The following PNN variants were observed in gnomAD, a reference collection of about 807,000 sequenced individuals.
The protein encoded by PNN is pinin, desmosome associated protein, also known as pinin.
Under a neutral mutation model 76.6 loss-of-function variants are expected in PNN, and 38 were observed. The observed-to-expected ratio is 0.50, with a 90% CI of 0.38 to 0.65. The LOEUF (loss-of-function observed/expected upper bound fraction) is 0.65, where lower values mean the gene tolerates loss of function less well. PNN is among the 30% of genes least tolerant of loss of function. PNN has a pLI of 0.00. For missense variants in PNN, 873 were observed against 874.1 expected (o/e 1.00, Z 0.02); for synonymous variants, 366 against 283.7 (o/e 1.29, Z -2.91).
At chr14:39,176,324 G>A in intron 2 of PNN, 175 bp downstream of exon 2, 1 of 630,622 alleles carries the variant, frequency 1.6e-6, no homozygotes, top group East Asian at 2.8e-5. Context: ...AAAACTGGAG[G>A]TTGAAGAATA....
chr14:39,175,488 G>C (rs2053212869), intron 1 of PNN, 96 bp downstream of exon 1: 2 of 770,308 alleles, frequency 2.6e-6, no homozygotes, highest in South Asian at 2.9e-5. Context: ...GCCTTAAGAA[G>C]ACTGGAACCT....
In PNN at chr14:39,181,231, G is replaced by C. The variant is rs1406279803; in HGVS notation, c.1522G>C (p.Ala508Pro). Residue 508 changes from alanine (A) to proline (P), a missense_variant, in exon 9 of 9, where the codon GCT becomes CCT. Coordinates refer to ENST00000216832, the MANE Select transcript of PNN (RefSeq NM_002687.4). ...PPSQPEDLSL[A>P]VLQPTPQVTQ... ...CTCTCAGCCTGAGGATTTGTCATTA[G>C]CTGTTTTACAGCCAACACCCCAAGT... 2 of 1,614,024 alleles carry C rather than the reference G, an allele frequency of 1.2e-6. No homozygotes were observed. The highest frequency in any genetic ancestry group is 1.6e-4 in the Middle Eastern group (1 of 6,062).
At position 39,182,200 on chromosome 14, in the gene PNN, A is replaced by T. The variant is rs1443646668; in HGVS notation, c.*337A>T. Reference sequence around the variant, plus strand: ...AAATCTTTAAGTCTGTTCCCTTCTAATTCTGTATCATACATTGCTTTTGTA... The same window carrying T: ...AAATCTTTAAGTCTGTTCCCTTCTATTTCTGTATCATACATTGCTTTTGTA... On this transcript the variant is annotated 3_prime_UTR_variant, in exon 9 of 9. Transcript: ENST00000216832. The T allele has an allele frequency of 1.1e-5, 2 of 180,564 alleles. No individual in the cohort carries two copies. Among genetic ancestry groups the T allele is most frequent in the Non-Finnish European group, 2.4e-5 (2 of 85,034 alleles). The allele number at this position is 180,564 out of a possible 1,614,324, so 11.2% of individuals were successfully genotyped here.
chr14:39,175,961 C>G, intron 1 of PNN, 117 bp from the exon 2 acceptor site: 1 of 641,836 alleles, frequency 1.6e-6, no homozygotes, highest in Non-Finnish European at 2.8e-6. Flanking sequence ...TTATTTGAAA[C>G]TATCTTTTTG....
In PNN at chr14:39,182,097, A is replaced by T. The variant is rs1342565995; in HGVS notation, c.*234A>T. On this transcript the variant is annotated 3_prime_UTR_variant, in exon 9 of 9. Transcript: ENST00000216832. ...CAAAATATGTAAAAATGATAATAATAAAAAAAGATTAACATCCCTTGTCAT... is the reference window on the plus strand; with the variant it reads ...CAAAATATGTAAAAATGATAATAATTAAAAAAGATTAACATCCCTTGTCAT... 1 of 407,132 alleles carries T rather than the reference A, an allele frequency of 2.5e-6. No individual in the cohort carries two copies. The highest frequency in any genetic ancestry group is 4.3e-6 in the Non-Finnish European group (1 of 229,954). 25.2% of individuals were successfully genotyped at this position (407,132 alleles called of 1,614,324 possible).
At chr14:39,175,443 A>T in intron 1 of PNN, 51 bp downstream of exon 1, 1 of 1,143,064 alleles carries the variant, frequency 8.7e-7, no homozygotes. Context: ...GGCAGCCCTC[A>T]GGTCGGGGTG....
chr14:39,179,976 T>G (rs1207447833), intron 8 of PNN, among the ~76,000 whole-genome samples: 5 of 152,324 alleles, frequency 3.3e-5, no homozygotes, highest in African/African-American at 1.2e-4. Context: ...ATGATGGAGT[T>G]TAATGTGAAA....
rs927203371 is a variant in PNN, at chr14:39,182,096, TAAA to T, written c.*238_*240del. The stretch of plus-strand genomic sequence containing the variant: ...CCAAAATATGTAAAAATGATAATAA[TAAA>T]AAAAGATTAACATCCCTTGTCATCT... On this transcript the variant is annotated 3_prime_UTR_variant, in exon 9 of 9. Coordinates refer to ENST00000216832, the MANE Select transcript of PNN (RefSeq NM_002687.4). 9.9e-6 allele frequency: 4 copies of T among 404,046 alleles called. No homozygotes were observed. The highest frequency in any genetic ancestry group is 1.3e-5 in the Non-Finnish European group (3 of 228,116). The allele number at this position is 404,046 out of a possible 1,614,324, so 25.0% of individuals were successfully genotyped here.
In PNN at chr14:39,179,034, C is replaced by A. The variant is rs1374178057; in HGVS notation, c.499-57C>A. ...CATAATTGAACTGAAATCATATATA[C>A]CTTTTGTTGTAACTATTTCAACACG... On this transcript the variant is annotated intron_variant, in intron 6 of 8. Coordinates refer to ENST00000216832, the MANE Select transcript of PNN (RefSeq NM_002687.4). 6.7e-6 allele frequency: 10 copies of A among 1,482,696 alleles called. No individual in the cohort carries two copies. The Admixed American group carries it at 2.0e-4, about 30-fold the overall frequency. The allele number at this position is 1,482,696 out of a possible 1,614,324, so 91.8% of individuals were successfully genotyped here.
chr14:39,176,199 TAA>T (rs1000079015), intron 2 of PNN, 50 bp downstream of exon 2: 2 of 1,040,574 alleles, frequency 1.9e-6, no homozygotes, highest in Non-Finnish European at 3.0e-6. Context: ...GGTACTTTAC[TAA>T]ATATGTTGGT....
rs536102628 is a variant in PNN, at chr14:39,176,164, G to A, written c.185+15G>A. On this transcript the variant is annotated intron_variant, in intron 2 of 8. Transcript: ENST00000216832. ...TTATTACTGAGGTAAGATTTCCTTT[G>A]GACTTTACTCATGCTGAAACTACTG... 7.5e-6 allele frequency: 11 copies of A among 1,469,582 alleles called. No individual in the cohort carries two copies. The African/African-American group carries it at 9.7e-5, about 13-fold the overall frequency. 91.0% of individuals were successfully genotyped at this position (1,469,582 alleles called of 1,614,324 possible). A position where few individuals can be genotyped will look rare whatever the true frequency, so the allele number is the denominator to read the frequency against.
chr14:39,182,139 A>G lies in PNN; in HGVS notation c.*276A>G, dbSNP rs1263143879. 3.9e-5 allele frequency: 11 copies of G among 283,922 alleles called. No individual in the cohort carries two copies. In the East Asian group the frequency reaches 6.8e-4, roughly 18 times the overall value. 17.6% of individuals were successfully genotyped at this position (283,922 alleles called of 1,614,324 possible). Reference sequence around the variant, plus strand: ...CCTTGTCATCTTTTTTAAATATCCTATACTCTTCAGTAAGAATCTGTATAT... The same window carrying G: ...CCTTGTCATCTTTTTTAAATATCCTGTACTCTTCAGTAAGAATCTGTATAT... On this transcript the variant is annotated 3_prime_UTR_variant, in exon 9 of 9. Coordinates refer to ENST00000216832, the MANE Select transcript of PNN (RefSeq NM_002687.4).
chr14:39,180,399 C>G (rs2139403536), intron 8 of PNN, 104 bp from the exon 9 acceptor site: 1 of 1,261,548 alleles, frequency 7.9e-7, no homozygotes, highest in Middle Eastern at 2.8e-4. Flanking sequence ...TTTACAAAAA[C>G]AAATTCAGAT....
rs1012580068 is a variant in PNN, at chr14:39,175,255, G to C, written c.-25G>C. On this transcript the variant is annotated 5_prime_UTR_variant, in exon 1 of 9. Transcript: ENST00000216832. ...ATAGCCCGGCTCGGCCTGTAAAGCA[G>C]TCTCAAGCCTGCCGCAGGGAGAAGA... The C allele has an allele frequency of 6.8e-7, 1 of 1,467,108 alleles. No homozygotes were observed. Among genetic ancestry groups the C allele is most frequent in the South Asian group, 1.2e-5 (1 of 86,546 alleles). 90.9% of individuals were successfully genotyped at this position (1,467,108 alleles called of 1,614,324 possible).
At chr14:39,179,586 T>A (rs1480919802) in intron 8 of PNN, 124 bp downstream of exon 8, 1 of 878,404 alleles carries the variant, frequency 1.1e-6, no homozygotes, top group Non-Finnish European at 1.7e-6. Flanking sequence ...GCTTTTTTTT[T>A]TTAAATAAGA....
At position 39,177,827 on chromosome 14, in the gene PNN, A is replaced by G; in HGVS notation, c.423-14A>G. The G allele has an allele frequency of 6.3e-7, 1 of 1,598,634 alleles. No individual in the cohort carries two copies. Among genetic ancestry groups the G allele is most frequent in the Non-Finnish European group, 8.6e-7 (1 of 1,166,400 alleles). On this transcript the variant is annotated splice_polypyrimidine_tract_variant and intron_variant, in intron 5 of 8. Coordinates refer to ENST00000216832, the MANE Select transcript of PNN (RefSeq NM_002687.4). ...GATCCTGTTGACAGTAAATTTTCTT[A>G]TTCTGTTCTTTAGGAACCGGCGAAT...
rs980973369 is a variant in PNN at position 39,181,001 on chromosome 14, T to C, written c.1292T>C (p.Phe431Ser). 1 of 1,613,106 alleles carries C rather than the reference T, an allele frequency of 6.2e-7. No homozygotes were observed. Among genetic ancestry groups the C allele is most frequent in the Non-Finnish European group, 8.5e-7 (1 of 1,179,566 alleles). ...ASKELEPEME[F>S]EIEPDKECKT... ...AAAGAATTGGAACCAGAAATGGAAT[T>C]TGAAATTGAGCCAGATAAAGAATGT... The change falls in exon 9 of 9, where the codon TTT becomes TCT. Residue 431 changes from phenylalanine to serine, a missense_variant. This residue lies in a region of PNN where 712 missense variants were observed against 693.1 expected (regional missense o/e 1.03). Transcript: ENST00000216832.
At chr14:39,177,508 A>G (rs768731127) in intron 4 of PNN, 24 bp downstream of exon 4, 1 of 1,602,492 alleles carries the variant, frequency 6.2e-7, no homozygotes, top group Non-Finnish European at 8.6e-7. Context: ...AAGAACTTAA[A>G]TGAATGTAGT....
Position 39,181,214 on chromosome 14 carries a change from C to T in PNN, c.1505C>T (p.Pro502Leu). 6.2e-7 allele frequency: 1 copy of T among 1,613,846 alleles called. No homozygotes were observed. Among genetic ancestry groups the T allele is most frequent in the Non-Finnish European group, 8.5e-7 (1 of 1,179,744 alleles). Residue 502 changes from proline to leucine, a missense_variant, in exon 9 of 9, where the codon CCT becomes CTT. Coordinates refer to ENST00000216832, the MANE Select transcript of PNN (RefSeq NM_002687.4). ...PVLQSQPPSQ[P>L]EDLSLAVLQP... ...CTCCAGTCCCAGCCTCCCTCTCAGC[C>T]TGAGGATTTGTCATTAGCTGTTTTA... is the stretch of plus-strand genomic sequence containing the variant.
Sources: allele counts gnomAD v4.1 joint callset (sites outside exome capture counted in the v4.1 genomes callset), GRCh38; gene constraint gnomAD v4.1.1; regional missense constraint gnomAD v4.1.1; transcripts MANE v1.5; gene names NCBI Gene and HGNC (gene_info 2026-07-23, HGNC 2026-07-21).